Variants in FOXM1 observed in about 807,000 individuals in gnomAD.
FOXM1 encodes the protein forkhead box M1, also known as forkhead box protein M1.
A neutral mutation model predicts 63.6 loss-of-function variants in FOXM1; 25 were observed. The ratio of observed to expected loss-of-function variants is 0.39; its 90% CI spans 0.29 to 0.55. The LOEUF (loss-of-function observed/expected upper bound fraction) is 0.55, where lower values mean the gene tolerates loss of function less well. Among genes scored for constraint, FOXM1 ranks in the 20% least tolerant of loss-of-function variants. FOXM1 has a pLI of 0.60. For synonymous variants in FOXM1, 387 were observed against 376.9 expected (o/e 1.03, Z -0.31); for missense variants, 879 against 958.7 (o/e 0.92, Z 1.10).
chr12:2,863,996 C>T (rs555913264), intron 8 of FOXM1: 54 of 229,720 alleles, frequency 2.4e-4, no homozygotes, highest in African/African-American at 1.0e-3. Context: ...TAAGCCACAG[C>T]GCCCGGCCAA....
At chr12:2,868,050 C>T (rs1445362911) in intron 4 of FOXM1, among the ~76,000 whole-genome samples, 1 of 151,610 alleles carries the variant, frequency 6.6e-6, no homozygotes, top group South Asian at 2.1e-4. Context: ...TGGAATTGAG[C>T]ACCCGTCAGA....
chr12:2,872,326 C>A lies in FOXM1; in HGVS notation c.503-79G>T. 6.6e-7 allele frequency: 1 copy of A among 1,508,666 alleles called. No individual in the cohort carries two copies. The allele number at this position is 1,508,666 out of a possible 1,614,324, so 93.5% of individuals were successfully genotyped here. On this transcript the variant is annotated intron_variant, in intron 2 of 8. Coordinates refer to ENST00000359843, the MANE Select transcript of FOXM1 (RefSeq NM_021953.4). The surrounding 1 kb of genome is among the most constrained non-coding windows in gnomAD (Gnocchi z 4.0). ...TGTGTCCATCAGAATTGGTGGCTAGCAGGCCGGGTGCAGTGGCTCACACCT... is the reference window on the plus strand; with the variant it reads ...TGTGTCCATCAGAATTGGTGGCTAGAAGGCCGGGTGCAGTGGCTCACACCT...
intron 4 of FOXM1, among the ~76,000 whole-genome samples, chr12:2,867,995 A>G (rs948533152): frequency 1.3e-5 from 2 of 151,808 alleles, no homozygotes; most frequent in Admixed American, 1.3e-4. Context: ...AAAAAAAAAA[A>G]AAAAGAAAGA....
chr12:2,866,995 ATATAAAAATTAGCCAGGCAT>A (rs1324149952), intron 4 of FOXM1, among the ~76,000 whole-genome samples: 1 of 152,128 alleles, frequency 6.6e-6, no homozygotes, highest in African/African-American at 2.4e-5. Flanking sequence ...TCTATCAAAA[ATATAAAAATTAGCCAGGCAT>A]GGTGGCGCAT....
chr12:2,867,638 GGTGACA>G (rs2098125684), intron 4 of FOXM1, among the ~76,000 whole-genome samples: 1 of 149,912 alleles, frequency 6.7e-6, no homozygotes, highest in Non-Finnish European at 1.5e-5. Flanking sequence ...CTCCAGCCTG[GGTGACA>G]GAGCGAGACT....
Position 2,859,086 on chromosome 12 carries a change from G to C in FOXM1, c.1844C>G (p.Ser615Cys). Residue 615 changes from serine to cysteine, a missense_variant, in exon 9 of 9, where the codon TCT becomes TGT. By Grantham distance (112) the Ser-to-Cys change is moderately radical (BLOSUM62 -1). Around this residue, in one of 4 missense-constraint regions of FOXM1, gnomAD observed 486 missense variants for 453.5 expected, o/e 1.07. Coordinates refer to ENST00000359843, the MANE Select transcript of FOXM1 (RefSeq NM_021953.4). ...GGATTCAGGGGTTCTGGGGAGGACA[G>C]ATTTGCTCGGGGTGGAGGAGATGGG... ...TLPISSTPSK[S>C]VLPRTPESWR... The C allele has an allele frequency of 1.2e-6, 2 of 1,607,212 alleles. No individual in the cohort carries two copies. The highest frequency in any genetic ancestry group is 1.7e-6 in the Non-Finnish European group (2 of 1,177,278).
chr12:2,858,859 T>A lies in FOXM1; in HGVS notation c.2071A>T (p.Asn691Tyr). 6.2e-7 allele frequency: 1 copy of A among 1,613,988 alleles called. No homozygotes were observed. Among genetic ancestry groups the A allele is most frequent in the Non-Finnish European group, 8.5e-7 (1 of 1,179,990 alleles). ...ACGTCTATATCTGAGGGAGAAGAGT[T>A]GCCAAAGGGGACGGAGATGAGGTCT... ...PLDLISVPFG[N>Y]SSPSDIDVPK... The change falls in exon 9 of 9, where the codon AAC (asparagine) becomes TAC (tyrosine). Residue 691 changes from asparagine to tyrosine, a missense_variant. Around this residue, in one of 4 missense-constraint regions of FOXM1, gnomAD observed 486 missense variants for 453.5 expected, o/e 1.07. Transcript: ENST00000359843.
At chr12:2,859,695 C>A in intron 8 of FOXM1, 32 bp from the exon 9 acceptor site, 1 of 1,523,982 alleles carries the variant, frequency 6.6e-7, no homozygotes, top group Non-Finnish European at 8.9e-7. Context: ...GGTGAACCAA[C>A]GGTCACCAGA....
In FOXM1 at chr12:2,858,409, C is replaced by T. The variant is rs1603498407; in HGVS notation, c.*229G>A. 3.9e-6 allele frequency: 2 copies of T among 514,782 alleles called. No individual in the cohort carries two copies. Among genetic ancestry groups the T allele is most frequent in the Admixed American group, 6.7e-5 (2 of 30,062 alleles). The allele number at this position is 514,782 out of a possible 1,614,324, so 31.9% of individuals were successfully genotyped here. On this transcript the variant is annotated 3_prime_UTR_variant, in exon 9 of 9. Transcript: ENST00000359843. ...TTTTCACCATTGCCTTTGTTGTTCC[C>T]ACCCTTCAGCTCCTGGCAGGGACAG...
intron 8 of FOXM1, among the ~76,000 whole-genome samples, chr12:2,861,806 T>C (rs2098113965): frequency 1.3e-5 from 2 of 152,330 alleles, no homozygotes; most frequent in South Asian, 4.1e-4. Flanking sequence ...CATCATGGAA[T>C]ATTACATGGA....
Position 2,864,716 on chromosome 12 carries a change from T to C in FOXM1, c.1057A>G (p.Met353Val), listed in dbSNP as rs80022864. The C allele has an allele frequency of 1.2e-6, 2 of 1,614,210 alleles. No homozygotes were observed. The highest frequency in any genetic ancestry group is 2.2e-5 in the East Asian group (1 of 44,876). ...KRPNPELRRN[M>V]TIKTELPLGA... Reference sequence around the variant, plus strand: ...AGGGGGAGTTCGGTTTTGATGGTCATGTTCCGGCGGAGCTCTGGATTCGGT... The same window carrying C: ...AGGGGGAGTTCGGTTTTGATGGTCACGTTCCGGCGGAGCTCTGGATTCGGT... Residue 353 changes from methionine to valine, a missense_variant, in exon 7 of 9, where the codon ATG becomes GTG. Around this residue, in one of 4 missense-constraint regions of FOXM1, gnomAD observed 76 missense variants for 94.5 expected, o/e 0.80. Transcript: ENST00000359843. This position sits in a 1 kb window ranked among gnomAD's most constrained non-coding sequence, Gnocchi z 5.1.
chr12:2,871,041 C>T (rs1000735501), intron 3 of FOXM1, among the ~76,000 whole-genome samples: 6 of 149,432 alleles, frequency 4.0e-5, no homozygotes, highest in Non-Finnish European at 8.9e-5. Flanking sequence ...GACACCAGGG[C>T]CTTCTTGAGG....
chr12:2,860,738 G>A (rs1195663078), intron 8 of FOXM1, among the ~76,000 whole-genome samples: 3 of 151,928 alleles, frequency 2.0e-5, no homozygotes, highest in Admixed American at 1.3e-4. Flanking sequence ...CGGGCGTGGT[G>A]GCATGCACCT....
intron 8 of FOXM1, among the ~76,000 whole-genome samples, chr12:2,863,181 A>G (rs918308772): frequency 3.3e-5 from 5 of 152,050 alleles, no homozygotes; most frequent in African/African-American, 1.2e-4. Flanking sequence ...AAAACAAGGG[A>G]TACTGCTAAA....
chr12:2,866,576 C>G, intron 4 of FOXM1, 55 bp from the exon 5 acceptor site: 1 of 1,465,526 alleles, frequency 6.8e-7, no homozygotes, highest in East Asian at 2.6e-5. Flanking sequence ...AGAAACATCA[C>G]CCTTCAAACA....
Position 2,858,485 on chromosome 12 carries a change from G to C in FOXM1, c.*153C>G. ...ACACAAGGTCCCAGCAGTGGCTAGG[G>C]TGTGACTGCTACTTTTGCATAATCA... On this transcript the variant is annotated 3_prime_UTR_variant, in exon 9 of 9. Transcript: ENST00000359843. 1.6e-6 allele frequency: 1 copy of C among 639,736 alleles called. No homozygotes were observed. 39.6% of individuals were successfully genotyped at this position (639,736 alleles called of 1,614,324 possible). A position where few individuals can be genotyped will look rare whatever the true frequency, so the allele number is the denominator to read the frequency against.
intron 4 of FOXM1, among the ~76,000 whole-genome samples, chr12:2,867,961 C>T (rs1416550311): frequency 1.5e-5 from 2 of 130,522 alleles, no homozygotes; most frequent in East Asian, 2.1e-4. Context: ...GCCTGGGTGA[C>T]AGAGCGAGAC....
At chr12:2,859,899 C>T in intron 8 of FOXM1, 1 of 518,308 alleles carries the variant, frequency 1.9e-6, no homozygotes, top group Non-Finnish European at 3.4e-6. Context: ...AAATTGCATG[C>T]TTGTCTTACA....
intron 6 of FOXM1, chr12:2,865,032 T>C (rs1395181371): frequency 3.4e-6 from 2 of 582,004 alleles, no homozygotes; most frequent in Non-Finnish European, 6.1e-6. Context: ...GGTAGCTATA[T>C]GCGTGGCAAA....
Sources: gnomAD v4.1 joint callset for allele counts (sites outside exome capture counted in the v4.1 genomes callset) on GRCh38, gnomAD v4.1.1 for gene constraint, gnomAD v4.1.1 regional missense constraint, Gnocchi (gnomAD v3.1) non-coding constraint, MANE v1.5 for transcripts, NCBI Gene and HGNC (gene_info 2026-07-23, HGNC 2026-07-21) for gene names.